TRPC7: variants seen among roughly 807,000 people sequenced by gnomAD.
The protein encoded by TRPC7 is short transient receptor potential channel 7.
In TRPC7, 42 loss-of-function variants were observed where a neutral mutation model predicts 90.1. The observed-to-expected ratio is 0.47, with a 90% CI of 0.36 to 0.60. TRPC7 has a LOEUF of 0.60. Ranked by LOEUF, TRPC7 falls within the 20% of genes least tolerant of loss-of-function variation. The probability of loss-of-function intolerance (pLI) is 0.00; values close to 1 mark genes in which losing one functional copy is unlikely to be tolerated. For synonymous variants in TRPC7, 451 were observed against 436.3 expected, an observed-to-expected ratio of 1.03 and a Z score of -0.42; for missense variants, 955 against 1,112.3, an observed-to-expected ratio of 0.86 and a Z score of 2.01.
At chr5:136,348,657 A>G (rs1760087096) in intron 2 of TRPC7, among the ~76,000 whole-genome samples, 1 of 152,180 alleles carries the variant, frequency 6.6e-6, no homozygotes, top group Non-Finnish European at 1.5e-5. Flanking sequence ...GAAGATTTAT[A>G]TGTATTCATT....
chr5:136,312,180 T>C (rs1758852007), intron 3 of TRPC7, among the ~76,000 whole-genome samples: 1 of 152,098 alleles, frequency 6.6e-6, no homozygotes, highest in Non-Finnish European at 1.5e-5. Flanking sequence ...CACACCCACT[T>C]GGGTTACTGG....
At chr5:136,295,630 G>A (rs1330673886) in intron 3 of TRPC7, among the ~76,000 whole-genome samples, 1 of 152,122 alleles carries the variant, frequency 6.6e-6, no homozygotes, top group African/African-American at 2.4e-5. Flanking sequence ...CGTCCTCTAG[G>A]CTTCTCAATG....
rs574949403 is a variant in TRPC7, at chr5:136,253,432, A to G, written c.1346-1550T>C. Among the ~76,000 whole-genome samples the G allele has an allele frequency of 3.2e-4, 48 of 152,218 alleles. No homozygotes were observed. The South Asian group carries it at 9.3e-3, about 30-fold the overall frequency. ...TGGCAACCTTGTGTTGGGAAAGTCT[A>G]TTGATACCATTTTCCCAATAACGTG... On this transcript the variant is annotated intron_variant, in intron 5 of 11. Transcript: ENST00000513104.
intron 8 of TRPC7, among the ~76,000 whole-genome samples, chr5:136,231,103 A>AAG (rs1458576277): frequency 6.6e-6 from 1 of 152,152 alleles, no homozygotes; most frequent in African/African-American, 2.4e-5. Context: ...ACAAGTGTAA[A>AAG]AGAGAGAAGA....
At chr5:136,223,379 C>T (rs997507576) in intron 10 of TRPC7, among the ~76,000 whole-genome samples, 1 of 151,898 alleles carries the variant, frequency 6.6e-6, no homozygotes. Flanking sequence ...TTTGGGAGGC[C>T]GAGGCAGGTG....
chr5:136,216,200 C>A lies in TRPC7; in HGVS notation c.2419G>T (p.Gly807Cys), dbSNP rs754485386. 1 of 1,611,404 alleles carries A rather than the reference C, an allele frequency of 6.2e-7. No individual in the cohort carries two copies. The stretch of plus-strand genomic sequence containing the variant: ...CGTGGGTGGAAATCCAGTCATTTAC[C>A]TTCATTGACTTCGTCATTTTCTCTG... ...VDRENDEVNE[G>C]ELKEIKQDIS... is the part of the protein sequence containing the mutation. Residue 807 changes from glycine (G) to cysteine (C), a missense_variant and splice_region_variant, in exon 11 of 12, where the codon GGC becomes TGC. By Grantham distance (159) the Gly-to-Cys change is radical. Coordinates refer to ENST00000513104, the MANE Select transcript of TRPC7 (RefSeq NM_020389.3).
chr5:136,225,165 A>G, intron 10 of TRPC7, 109 bp downstream of exon 10: 1 of 922,906 alleles, frequency 1.1e-6, no homozygotes, highest in Non-Finnish European at 1.7e-6. Flanking sequence ...ACAATAAAGG[A>G]AGGAATGAAG....
chr5:136,297,512 T>C (rs1458376559), intron 3 of TRPC7, among the ~76,000 whole-genome samples: 2 of 152,154 alleles, frequency 1.3e-5, no homozygotes, highest in Non-Finnish European at 2.9e-5. Flanking sequence ...GTAATAGCTA[T>C]AAAAATATTA....
chr5:136,257,286 G>T (rs1297137811), intron 5 of TRPC7, among the ~76,000 whole-genome samples: 1 of 151,396 alleles, frequency 6.6e-6, no homozygotes, highest in Non-Finnish European at 1.5e-5. Context: ...GGGTTCAAGC[G>T]ATTCTTCTGC....
intron 2 of TRPC7, among the ~76,000 whole-genome samples, chr5:136,348,304 A>T (rs1346847848): frequency 1.3e-5 from 2 of 152,164 alleles, no homozygotes; most frequent in African/African-American, 2.4e-5. Context: ...GATCCAGACC[A>T]TGTTACTCAC....
chr5:136,318,905 C>T (rs1041782765), intron 2 of TRPC7, among the ~76,000 whole-genome samples: 3 of 152,016 alleles, frequency 2.0e-5, no homozygotes, highest in Non-Finnish European at 2.9e-5. Context: ...ATTTCATGGT[C>T]AATGAAATGG....
chr5:136,351,366 T>C (rs977016313), intron 2 of TRPC7, among the ~76,000 whole-genome samples: 4 of 152,258 alleles, frequency 2.6e-5, no homozygotes, highest in African/African-American at 9.6e-5. Context: ...TCAAGTCATT[T>C]CCTGCATGTT....
At chr5:136,262,367 A>T (rs770828345) in intron 5 of TRPC7, among the ~76,000 whole-genome samples, 18 of 152,166 alleles carry the variant, frequency 1.2e-4, no homozygotes, top group Admixed American at 5.2e-4. Flanking sequence ...TTGCTCCTGA[A>T]TCCAGCTTTA....
chr5:136,239,045 G>A (rs1756077486), intron 7 of TRPC7, among the ~76,000 whole-genome samples: 3 of 152,170 alleles, frequency 2.0e-5, no homozygotes, highest in African/African-American at 7.2e-5. Context: ...GATCTCAGCT[G>A]CCTTCTCCAT....
chr5:136,340,582 A>G (rs1316426207), intron 2 of TRPC7, among the ~76,000 whole-genome samples: 1 of 152,172 alleles, frequency 6.6e-6, no homozygotes, highest in Non-Finnish European at 1.5e-5. Context: ...TTATTTACCA[A>G]TAAAAATAAT....
chr5:136,273,032 G>C (rs1462186898), intron 4 of TRPC7, among the ~76,000 whole-genome samples: 2 of 152,208 alleles, frequency 1.3e-5, no homozygotes, highest in African/African-American at 4.8e-5. Context: ...AAGCCAGTTT[G>C]CTCCTGTTGG....
intron 2 of TRPC7, among the ~76,000 whole-genome samples, chr5:136,347,773 T>C (rs1760055733): frequency 1.3e-5 from 2 of 152,304 alleles, no homozygotes; most frequent in African/African-American, 2.4e-5. Flanking sequence ...GCTCCTGTCT[T>C]ACAGGAGAAG....
chr5:136,261,754 A>G (rs1756863655), intron 5 of TRPC7, among the ~76,000 whole-genome samples: 2 of 152,300 alleles, frequency 1.3e-5, no homozygotes, highest in South Asian at 2.1e-4. Context: ...CATAGTTACA[A>G]TGATGTTATA....
chr5:136,365,301 C>G lies in TRPC7; in HGVS notation c.-47G>C, dbSNP rs986585039. 6.5e-7 allele frequency: 1 copy of G among 1,536,656 alleles called. No individual in the cohort carries two copies. Among genetic ancestry groups the G allele is most frequent in the African/African-American group, 1.4e-5 (1 of 72,996 alleles). On this transcript the variant is annotated 5_prime_UTR_variant, in exon 1 of 12. Transcript: ENST00000513104. ...TGTTCCTCCTCTAGATGACCGGAAT[C>G]CGGTGTTGAGTCGCCAGAAGCTGGC...
Sources: gnomAD v4.1 joint callset for allele counts (sites outside exome capture counted in the v4.1 genomes callset) on GRCh38, gnomAD v4.1.1 for gene constraint, MANE v1.5 for transcripts, NCBI Gene and HGNC (gene_info 2026-07-23, HGNC 2026-07-21) for gene names.